The following ERCC6L2 variants were observed in gnomAD, a reference collection of about 807,000 sequenced individuals.
The protein encoded by ERCC6L2 is ERCC excision repair 6 like 2, also known as DNA excision repair protein ERCC-6-like 2.
ERCC6L2 carries 77 observed loss-of-function variants against 132.0 expected under a neutral mutation model. That is an observed-to-expected ratio of 0.58 (90% confidence interval 0.49 to 0.71). The LOEUF (loss-of-function observed/expected upper bound fraction) is 0.71. Ranked by LOEUF, ERCC6L2 falls within the 30% of genes least tolerant of loss-of-function variation. ERCC6L2 has a pLI of 0.00. For missense variants in ERCC6L2, 1,542 were observed against 1,837.6 expected (o/e 0.84, Z 2.94); for synonymous variants, 583 against 632.4 (o/e 0.92, Z 1.17).
chr9:96,019,752 A>T (rs1194121366), downstream of ERCC6L2: 6 of 152,244 alleles, frequency 3.9e-5, no homozygotes, highest in African/African-American at 1.4e-4. Context: ...AAGCAGTTTA[A>T]TTGGCTCACA....
chr9:95,920,879 C>T (rs1020788583), intron 6 of ERCC6L2, among the ~76,000 whole-genome samples: 10 of 152,288 alleles, frequency 6.6e-5, no homozygotes, highest in South Asian at 4.1e-4. Context: ...TTGGTTCAAG[C>T]GATTCTCCTG....
chr9:95,977,550 C>T (rs1832721740), intron 16 of ERCC6L2, among the ~76,000 whole-genome samples: 1 of 152,038 alleles, frequency 6.6e-6, no homozygotes, highest in African/African-American at 2.4e-5. Flanking sequence ...TCCTAAAAAG[C>T]TCTCATCTTG....
intron 13 of ERCC6L2, among the ~76,000 whole-genome samples, chr9:95,956,661 G>A (rs553034661): frequency 4.1e-4 from 63 of 152,264 alleles, no homozygotes; most frequent in African/African-American, 1.5e-3. Flanking sequence ...GCAGGAAGGA[G>A]AAGTGCTAAG....
rs1827215244 is a variant in ERCC6L2 at position 95,875,786 on chromosome 9, G to A, written c.-253G>A. Reference sequence around the variant, plus strand: ...GAACTAGGTGAACACCGCTTTGCCAGCCTCACACAGCGTCCCCTGGCTCTG... The same window carrying A: ...GAACTAGGTGAACACCGCTTTGCCAACCTCACACAGCGTCCCCTGGCTCTG... On this transcript the variant is annotated 5_prime_UTR_variant, in exon 1 of 19. Coordinates refer to ENST00000653738, the MANE Select transcript of ERCC6L2 (RefSeq NM_020207.7). 3.6e-6 allele frequency: 2 copies of A among 562,282 alleles called. No homozygotes were observed. 34.8% of individuals were successfully genotyped at this position (562,282 alleles called of 1,614,324 possible).
intron 4 of ERCC6L2, among the ~76,000 whole-genome samples, chr9:95,911,510 G>A (rs764398824): frequency 2.6e-5 from 4 of 151,966 alleles, no homozygotes; most frequent in Non-Finnish European, 5.9e-5. Flanking sequence ...ATATTTATAA[G>A]ATTAGAGGAA....
At chr9:95,943,406 GAGTT>G (rs1423909564) in intron 12 of ERCC6L2, among the ~76,000 whole-genome samples, 1 of 152,070 alleles carries the variant, frequency 6.6e-6, no homozygotes, top group African/African-American at 2.4e-5. Context: ...CTAAAAGAGT[GAGTT>G]ATAATAATTA....
chr9:96,013,989 G>GTTATATT lies in ERCC6L2; in HGVS notation c.*789_*795dup, dbSNP rs1834120604. 6.6e-6 allele frequency: 1 copy of GTTATATT among 152,162 alleles called. No individual in the cohort carries two copies. Among genetic ancestry groups the GTTATATT allele is most frequent in the African/African-American group, 2.4e-5 (1 of 41,434 alleles). The allele number at this position is 152,162 out of a possible 1,614,324, so 9.4% of individuals were successfully genotyped here. A position where few individuals can be genotyped will look rare whatever the true frequency, so the allele number is the denominator to read the frequency against. On this transcript the variant is annotated 3_prime_UTR_variant, in exon 19 of 19. Transcript: ENST00000653738. ...TAAACTTTTTATTTTGTTAGAAACT[G>GTTATATT]TTATATTTTGAGTGTAATATTTATG... is the stretch of plus-strand genomic sequence containing the variant.
chr9:96,010,550 C>A (rs1426884137), intron 18 of ERCC6L2, among the ~76,000 whole-genome samples: 3 of 152,182 alleles, frequency 2.0e-5, no homozygotes, highest in Non-Finnish European at 4.4e-5. Flanking sequence ...CCTCTGTGAA[C>A]CAGGTCATCT....
intron 13 of ERCC6L2, among the ~76,000 whole-genome samples, chr9:95,956,574 T>G (rs185048140): frequency 2.0e-4 from 31 of 152,268 alleles, no homozygotes; most frequent in Admixed American, 2.0e-3. Flanking sequence ...ACTCACAGTT[T>G]CACATGGCGG....
intron 20 of ERCC6L2, among the ~76,000 whole-genome samples, chr9:96,040,089 A>G (rs1455971437): frequency 6.6e-6 from 1 of 151,258 alleles, no homozygotes; most frequent in Non-Finnish European, 1.5e-5. Flanking sequence ...TATCTAGAGG[A>G]GAAACAGAGA....
intron 12 of ERCC6L2, among the ~76,000 whole-genome samples, chr9:95,950,728 A>G (rs962094412): frequency 6.6e-6 from 1 of 152,202 alleles, no homozygotes; most frequent in African/African-American, 2.4e-5. Context: ...CAAGTCGACA[A>G]CTGTTAGAAG....
intron 18 of ERCC6L2, among the ~76,000 whole-genome samples, chr9:96,006,677 G>GCAGT (rs1288013743): frequency 6.6e-6 from 1 of 152,154 alleles, no homozygotes; most frequent in Non-Finnish European, 1.5e-5. Context: ...GGGCCTGGAA[G>GCAGT]CAGTGGAGGG....
In ERCC6L2 at chr9:95,941,502, A is replaced by C; in HGVS notation, c.1800A>C (p.Leu600Phe). The change falls in exon 12 of 19, where the codon TTA (leucine) becomes TTC (phenylalanine). Residue 600 changes from leucine (L) to phenylalanine (F), a missense_variant. By Grantham distance (22) the Leu-to-Phe change is conservative. Transcript: ENST00000653738. ...LNFVGANVVVLFDPTWNPAND... is the reference protein window; with the variant it reads ...LNFVGANVVVFFDPTWNPAND... ...TTGTCGGTGCCAATGTTGTTGTATT[A>C]TTTGATCCTACTTGGAATCCAGCCA... 1 of 1,612,170 alleles carries C rather than the reference A, an allele frequency of 6.2e-7. No homozygotes were observed. Among genetic ancestry groups the C allele is most frequent in the Non-Finnish European group, 8.5e-7 (1 of 1,179,400 alleles).
At chr9:96,010,497 A>AC (rs1226058614) in intron 18 of ERCC6L2, among the ~76,000 whole-genome samples, 4 of 151,892 alleles carry the variant, frequency 2.6e-5, no homozygotes, top group Non-Finnish European at 5.9e-5. Flanking sequence ...TGGCCTACGG[A>AC]CCCCCTATGA....
chr9:95,989,170 A>G (rs914724207), intron 17 of ERCC6L2, among the ~76,000 whole-genome samples: 1 of 152,152 alleles, frequency 6.6e-6, no homozygotes, highest in Non-Finnish European at 1.5e-5. Flanking sequence ...TGGAGGCTTC[A>G]TTACATAGGT....
intron 10 of ERCC6L2, 26 bp downstream of exon 10, chr9:95,928,176 G>A: frequency 6.5e-7 from 1 of 1,535,858 alleles, no homozygotes; most frequent in Non-Finnish European, 9.0e-7. Context: ...GTATATCCTT[G>A]ATTGGCCAGC....
intron 5 of ERCC6L2, 73 bp downstream of exon 5, chr9:95,915,902 A>C: frequency 7.1e-7 from 1 of 1,401,086 alleles, no homozygotes; most frequent in East Asian, 2.4e-5. Context: ...GCTAATCATT[A>C]GTTTCCAAAC....
chr9:95,946,445 G>A (rs989844124), intron 12 of ERCC6L2, among the ~76,000 whole-genome samples: 2 of 152,066 alleles, frequency 1.3e-5, no homozygotes, highest in Non-Finnish European at 2.9e-5. Context: ...GGAGAATGGC[G>A]TGAACCTGGG....
Position 96,004,675 on chromosome 9 carries a change from T to C in ERCC6L2, c.3648T>C (p.Ile1216=), listed in dbSNP as rs773395682. Residue 1216 remains isoleucine, a synonymous_variant, in exon 18 of 19, where the codon ATT becomes ATC. Transcript: ENST00000653738. ...VYHTNQTTFI[I]GETPKGIRRK... The stretch of plus-strand genomic sequence containing the variant: ...ATACAAACCAGACCACCTTCATAAT[T>C]GGAGAAACACCAAAAGGAATCCGCA... 1.5e-6 allele frequency: 2 copies of C among 1,343,500 alleles called. No homozygotes were observed. The highest frequency in any genetic ancestry group is 1.5e-5 in the African/African-American group (1 of 67,430). 83.2% of individuals were successfully genotyped at this position (1,343,500 alleles called of 1,614,324 possible). A position where few individuals can be genotyped will look rare whatever the true frequency, so the allele number is the denominator to read the frequency against.
Sources: gnomAD v4.1 joint callset for allele counts (sites outside exome capture counted in the v4.1 genomes callset) on GRCh38, gnomAD v4.1.1 for gene constraint, MANE v1.5 for transcripts, NCBI Gene and HGNC (gene_info 2026-07-23, HGNC 2026-07-21) for gene names.